The following RGS5 variants were observed in gnomAD, a reference collection of about 807,000 sequenced individuals.
RGS5 encodes the protein regulator of G-protein signalling 5.
In RGS5, 20 loss-of-function variants were observed where a neutral mutation model predicts 18.9. The observed-to-expected ratio is 1.06, with a 90% CI of 0.74 to 1.54. The LOEUF is 1.54. Ranked by LOEUF, RGS5 falls within the 40% of genes most tolerant of loss-of-function variation. RGS5 has a pLI of 0.00. For missense variants in RGS5, 201 were observed against 211.8 expected (o/e 0.95, Z 0.32); for synonymous variants, 57 against 76.2 (o/e 0.75, Z 1.31).
intron 1 of RGS5, among the ~76,000 whole-genome samples, chr1:163,180,842 C>T (rs1658805915): frequency 1.3e-5 from 2 of 151,540 alleles, no homozygotes; most frequent in African/African-American, 4.8e-5. Context: ...CTACAGGTGC[C>T]CGTCACTACG....
chr1:163,173,816 C>T (rs1187664774), intron 1 of RGS5, among the ~76,000 whole-genome samples: 2 of 152,132 alleles, frequency 1.3e-5, no homozygotes, highest in Non-Finnish European at 2.9e-5. Flanking sequence ...TGGCTCATGC[C>T]TGTAATCCCA....
chr1:163,232,039 T>A (rs1312382152), intron 2 of RGS5, among the ~76,000 whole-genome samples: 1 of 152,164 alleles, frequency 6.6e-6, no homozygotes, highest in African/African-American at 2.4e-5. Context: ...TGTAATTGTA[T>A]ACCCTTGGGT....
At chr1:163,225,584 C>A (rs566597298) in intron 2 of RGS5, among the ~76,000 whole-genome samples, 1 of 152,036 alleles carries the variant, frequency 6.6e-6, no homozygotes, top group Admixed American at 6.6e-5. Flanking sequence ...ACCCACACCC[C>A]CTACCCACCC....
chr1:163,281,606 C>A (rs1172023410), intron 2 of RGS5, among the ~76,000 whole-genome samples: 2 of 152,138 alleles, frequency 1.3e-5, no homozygotes, highest in Non-Finnish European at 2.9e-5. Flanking sequence ...CCCACTAGAT[C>A]CCACCTCCAA....
intron 1 of RGS5, among the ~76,000 whole-genome samples, chr1:163,191,817 A>G (rs1407906269): frequency 2.6e-5 from 4 of 152,202 alleles, no homozygotes; most frequent in African/African-American, 9.6e-5. Context: ...AGAAAAACCA[A>G]ACTATGATGA....
intron 2 of RGS5, among the ~76,000 whole-genome samples, chr1:163,243,564 G>A (rs1647850119): frequency 6.9e-6 from 1 of 144,106 alleles, no homozygotes; most frequent in South Asian, 2.3e-4. Context: ...GGAGAATGGC[G>A]TGAACCCGGG....
At chr1:163,265,081 C>G (rs889399714) in intron 2 of RGS5, among the ~76,000 whole-genome samples, 5 of 152,132 alleles carry the variant, frequency 3.3e-5, no homozygotes, top group South Asian at 2.1e-4. Context: ...ATGTCCTGTA[C>G]TGTTTGACAA....
intron 2 of RGS5, among the ~76,000 whole-genome samples, chr1:163,271,742 G>A (rs1293285454): frequency 2.6e-5 from 4 of 152,156 alleles, no homozygotes; most frequent in Non-Finnish European, 5.9e-5. Flanking sequence ...GAATACTGCT[G>A]CTATGAACAT....
At chr1:163,177,514 C>T (rs1262623200) in intron 1 of RGS5, among the ~76,000 whole-genome samples, 1 of 152,146 alleles carries the variant, frequency 6.6e-6, no homozygotes, top group Non-Finnish European at 1.5e-5. Flanking sequence ...AAACCTGGCC[C>T]TACTTGTTGG....
chr1:163,306,405 T>A (rs969087415), intron 1 of RGS5: 7 of 152,180 alleles, frequency 4.6e-5, no homozygotes, highest in African/African-American at 1.7e-4. Context: ...AAATAAGTAA[T>A]TAGTACTCAG....
chr1:163,183,131 C>G (rs866826695), intron 1 of RGS5, among the ~76,000 whole-genome samples: 1 of 152,228 alleles, frequency 6.6e-6, no homozygotes, highest in Middle Eastern at 3.4e-3. Context: ...CAATATTTAT[C>G]TTTGCCAGCT....
At chr1:163,299,671 G>C (rs1649505608) in intron 2 of RGS5, among the ~76,000 whole-genome samples, 1 of 152,110 alleles carries the variant, frequency 6.6e-6, no homozygotes, top group African/African-American at 2.4e-5. Flanking sequence ...ACAAACACTG[G>C]GATATTTTCT....
chr1:163,292,600 T>C (rs556978356), intron 2 of RGS5, among the ~76,000 whole-genome samples: 2 of 152,340 alleles, frequency 1.3e-5, no homozygotes, highest in South Asian at 4.1e-4. Flanking sequence ...CCACACTGTT[T>C]TCTACCATGG....
intron 1 of RGS5, chr1:163,319,048 C>T (rs916541054): frequency 3.9e-5 from 6 of 152,114 alleles, no homozygotes; most frequent in Admixed American, 6.5e-5. Context: ...TCACCTATTC[C>T]TACCACATTA....
At chr1:163,163,238 A>C (rs1657886887) in intron 2 of RGS5, among the ~76,000 whole-genome samples, 1 of 152,200 alleles carries the variant, frequency 6.6e-6, no homozygotes, top group Admixed American at 6.5e-5. Flanking sequence ...CAGAACATGC[A>C]TCGGTTGTGA....
In RGS5 at chr1:163,251,572, A is replaced by G. The variant is rs79086537; in HGVS notation, c.-281+54661T>C. On this transcript the variant is annotated intron_variant, in intron 2 of 5. Coordinates refer to the RGS5 transcript ENST00000618415. Reference sequence around the variant, plus strand: ...ATCGTTTCTATCTTCACTTATCCCAAAGTGATCTCATTCAATCTTATGGCT... The same window carrying G: ...ATCGTTTCTATCTTCACTTATCCCAGAGTGATCTCATTCAATCTTATGGCT... 0.011 allele frequency among the ~76,000 whole-genome samples: 1,647 copies of G among 152,150 alleles called. 128 individuals are homozygous for G. The East Asian group carries it at 0.21, about 19-fold the overall frequency.
chr1:163,301,276 A>ATAGAGGAAAAAATCAGAATTC (rs1649543506), intron 2 of RGS5, among the ~76,000 whole-genome samples: 1 of 152,170 alleles, frequency 6.6e-6, no homozygotes, highest in Non-Finnish European at 1.5e-5. Context: ...ACAAACTGAG[A>ATAGAGGAAAAAATCAGAATTC]TAGAGGAAAA....
At chr1:163,302,591 C>A (rs1290304951) in intron 2 of RGS5, among the ~76,000 whole-genome samples, 1 of 152,140 alleles carries the variant, frequency 6.6e-6, no homozygotes, top group Non-Finnish European at 1.5e-5. Context: ...AGATTTCTAG[C>A]CTTCTTCCCT....
At chr1:163,185,191 C>T (rs1386093529) in intron 1 of RGS5, among the ~76,000 whole-genome samples, 1 of 151,984 alleles carries the variant, frequency 6.6e-6, no homozygotes, top group African/African-American at 2.4e-5. Flanking sequence ...AGACAGGGTC[C>T]TATAGTCTTT....
Sources: gnomAD v4.1 joint callset for allele counts (sites outside exome capture counted in the v4.1 genomes callset) on GRCh38, gnomAD v4.1.1 for gene constraint, MANE v1.5 for transcripts, NCBI Gene and HGNC (gene_info 2026-07-23, HGNC 2026-07-21) for gene names.